Variants in EYS observed in about 807,000 individuals in gnomAD.
The protein encoded by EYS is EGF-like photoreceptor maintenance factor.
In EYS, 250 loss-of-function variants were observed where a neutral mutation model predicts 282.1. The ratio of observed to expected loss-of-function variants is 0.89; its 90% CI spans 0.80 to 0.98. The LOEUF (loss-of-function observed/expected upper bound fraction) is 0.98, where lower values mean the gene tolerates loss of function less well. Ranked by LOEUF, EYS falls within the 50% of genes least tolerant of loss-of-function variation. The pLI, the probability that EYS is intolerant of heterozygous loss-of-function variation, is 0.00. For missense variants in EYS, 4,016 were observed against 3,709.0 expected, an observed-to-expected ratio of 1.08 and a Z score of -2.15; for synonymous variants, 1,355 against 1,282.9, an observed-to-expected ratio of 1.06 and a Z score of -1.20.
At chr6:65,517,608 T>G (rs913818992) in intron 2 of EYS, among the ~76,000 whole-genome samples, 5 of 152,040 alleles carry the variant, frequency 3.3e-5, no homozygotes, top group African/African-American at 9.7e-5. Flanking sequence ...TTTTATCAAC[T>G]TATCTGTGCT....
chr6:63,863,675 C>CTTTTCTTTTCTTTTCTTTTCTTTT (rs1772597256), intron 36 of EYS, among the ~76,000 whole-genome samples: 1 of 60,042 alleles, frequency 1.7e-5, no homozygotes, highest in African/African-American at 5.7e-5. Flanking sequence ...TTTCTTTTTT[C>CTTTTCTTTTCTTTTCTTTTCTTTT]TTTTTTTTTT....
rs1389763357 is a variant in EYS at position 63,864,230 on chromosome 6, A to C, written c.7184T>G (p.Val2395Gly). The C allele has an allele frequency of 1.3e-6, 2 of 1,550,512 alleles. No individual in the cohort carries two copies. The highest frequency in any genetic ancestry group is 1.7e-6 in the Non-Finnish European group (2 of 1,146,178). The part of the protein sequence containing the change: ...TCVPKSGTDI[V>G]CLCPYGRSGP... The stretch of plus-strand genomic sequence containing the variant: ...AGACCTCCCATATGGGCAGAGGCAG[A>C]CAATATCTGTTCCGGATTTTGGAAC... Residue 2395 changes from valine (V) to glycine (G), a missense_variant, in exon 36 of 43, where the codon GTC becomes GGC. Transcript: ENST00000503581.
intron 21 of EYS, among the ~76,000 whole-genome samples, chr6:64,819,903 G>A (rs900887531): frequency 1.3e-5 from 2 of 151,930 alleles, no homozygotes; most frequent in South Asian, 2.1e-4. Flanking sequence ...ACTATAAGTA[G>A]GCAAGGCACA....
chr6:64,889,373 T>C (rs1448034436), intron 18 of EYS, among the ~76,000 whole-genome samples: 1 of 151,998 alleles, frequency 6.6e-6, no homozygotes, highest in Non-Finnish European at 1.5e-5. Flanking sequence ...GTCTGTATAG[T>C]TATCTTGAAG....
intron 42 of EYS, among the ~76,000 whole-genome samples, chr6:63,722,290 G>A (rs1451039139): frequency 6.6e-6 from 1 of 151,900 alleles, no homozygotes; most frequent in Non-Finnish European, 1.5e-5. Context: ...GGAACACTCC[G>A]CCACCCCATT....
At chr6:64,815,968 A>G (rs1764732616) in intron 21 of EYS, among the ~76,000 whole-genome samples, 1 of 152,076 alleles carries the variant, frequency 6.6e-6, no homozygotes, top group South Asian at 2.1e-4. Context: ...TCTCTGAGGG[A>G]TGTGGTTTAG....
At chr6:65,291,348 G>C (rs1325777998) in intron 12 of EYS, among the ~76,000 whole-genome samples, 1 of 151,566 alleles carries the variant, frequency 6.6e-6, no homozygotes, top group Non-Finnish European at 1.5e-5. Flanking sequence ...ACTGTTGGTT[G>C]AAGTGTAAAT....
chr6:64,099,145 C>A (rs571794592), intron 31 of EYS, among the ~76,000 whole-genome samples: 1 of 152,118 alleles, frequency 6.6e-6, no homozygotes, highest in South Asian at 2.1e-4. Context: ...AATTCAATGG[C>A]TCATTAAGAT....
At chr6:65,374,515 T>C (rs1562132052) in intron 8 of EYS, among the ~76,000 whole-genome samples, 1 of 151,100 alleles carries the variant, frequency 6.6e-6, no homozygotes, top group Non-Finnish European at 1.5e-5. Flanking sequence ...TTTTTTTTTT[T>C]CGTACCCCAC....
At chr6:63,834,224 C>T (rs1353910152) in intron 36 of EYS, among the ~76,000 whole-genome samples, 1 of 152,086 alleles carries the variant, frequency 6.6e-6, no homozygotes, top group East Asian at 1.9e-4. Context: ...TCTAATTAAA[C>T]TAAAGAGCTT....
At chr6:65,398,437 C>T (rs1057091539) in intron 7 of EYS, among the ~76,000 whole-genome samples, 6 of 151,742 alleles carry the variant, frequency 4.0e-5, no homozygotes, top group African/African-American at 1.5e-4. Flanking sequence ...AAGAATAAAA[C>T]TAGACCCCTA....
At chr6:64,220,987 G>A (rs1053030523) in intron 31 of EYS, among the ~76,000 whole-genome samples, 3 of 152,066 alleles carry the variant, frequency 2.0e-5, no homozygotes, top group Non-Finnish European at 4.4e-5. Flanking sequence ...ATGAGTCACT[G>A]CAAGTTACTT....
chr6:65,528,824 A>G (rs1767662237), intron 2 of EYS, among the ~76,000 whole-genome samples: 1 of 152,230 alleles, frequency 6.6e-6, no homozygotes, highest in Non-Finnish European at 1.5e-5. Flanking sequence ...CTTTATGGAA[A>G]TTTCAATAAT....
At chr6:64,100,982 T>C (rs1772805666) in intron 31 of EYS, among the ~76,000 whole-genome samples, 1 of 152,176 alleles carries the variant, frequency 6.6e-6, no homozygotes, top group South Asian at 2.1e-4. Context: ...GGCACAAAGA[T>C]CTTTTTTTTT....
In EYS at chr6:64,945,864, T is replaced by C. The variant is rs1252575967; in HGVS notation, c.2310A>G (p.Gln770=). 5 of 1,549,428 alleles carry C rather than the reference T, an allele frequency of 3.2e-6. No homozygotes were observed. Among genetic ancestry groups the C allele is most frequent in the Non-Finnish European group, 4.4e-6 (5 of 1,145,384 alleles). The change falls in exon 15 of 43, where the codon CAA becomes CAG. Residue 770 remains glutamine (Q), a synonymous_variant. Transcript: ENST00000503581. ...GATTCATTTTACACTCATTGGATTC[T>C]TGTTCACAAAAATTTCCTTCCCAAT... is the stretch of plus-strand genomic sequence containing the variant. The part of the protein sequence containing the change: ...LSDWEGNFCE[Q]ESNECKMNPC...
At chr6:65,216,795 T>C (rs1166125632) in intron 12 of EYS, among the ~76,000 whole-genome samples, 1 of 151,888 alleles carries the variant, frequency 6.6e-6, no homozygotes, top group Admixed American at 6.6e-5. Context: ...ATATAATATG[T>C]ATACATATAT....
intron 26 of EYS, among the ~76,000 whole-genome samples, chr6:64,544,116 T>C (rs558021019): frequency 7.6e-4 from 116 of 152,346 alleles, no homozygotes; most frequent in Non-Finnish European, 1.3e-3. Flanking sequence ...TTTTGGATGG[T>C]TCACCAGTCC....
At chr6:64,957,511 A>T (rs1398022435) in intron 14 of EYS, among the ~76,000 whole-genome samples, 1 of 152,182 alleles carries the variant, frequency 6.6e-6, no homozygotes, top group Admixed American at 6.5e-5. Context: ...AAGATCTACT[A>T]TTTGATGGCA....
At chr6:64,676,347 T>TAG (rs201755959) in intron 22 of EYS, among the ~76,000 whole-genome samples, 6 of 140,846 alleles carry the variant, frequency 4.3e-5, no homozygotes, top group Admixed American at 7.2e-5. Context: ...TCTATATATA[T>TAG]ATATAGAGAG....
Sources: gnomAD v4.1 joint callset for allele counts (sites outside exome capture counted in the v4.1 genomes callset) on GRCh38, gnomAD v4.1.1 for gene constraint, MANE v1.5 for transcripts, NCBI Gene and HGNC (gene_info 2026-07-23, HGNC 2026-07-21) for gene names.